Variants in ZNF236 observed in about 807,000 individuals in gnomAD.
ZNF236 encodes zinc finger protein 236.
A neutral mutation model predicts 191.2 loss-of-function variants in ZNF236; 50 were observed. The ratio of observed to expected loss-of-function variants is 0.26; its 90% CI spans 0.21 to 0.33. ZNF236 has a LOEUF of 0.33. ZNF236 is among the 10% of genes least tolerant of loss of function. The probability of loss-of-function intolerance (pLI) is 1.00; values close to 1 mark genes in which losing one functional copy is unlikely to be tolerated. For missense variants in ZNF236, 1,754 were observed against 2,374.5 expected, an observed-to-expected ratio of 0.74 and a Z score of 5.43; for synonymous variants, 907 against 928.8, an observed-to-expected ratio of 0.98 and a Z score of 0.43.
chr18:76,842,914 A>T (rs1975553472), intron 1 of ZNF236, among the ~76,000 whole-genome samples: 1 of 152,222 alleles, frequency 6.6e-6, no homozygotes, highest in African/African-American at 2.4e-5. Flanking sequence ...AAAGGGCAGG[A>T]GTCTTCTCTG....
At chr18:76,936,987 AG>A (rs754711816) in intron 25 of ZNF236, among the ~76,000 whole-genome samples, 168 bp from the exon 26 acceptor site, 1 of 152,214 alleles carries the variant, frequency 6.6e-6, no homozygotes, top group Non-Finnish European at 1.5e-5. Context: ...AACTAAGAAA[AG>A]CCTTATCCTA....
chr18:76,909,058 CTGTAA>C (rs1302574835), intron 14 of ZNF236, among the ~76,000 whole-genome samples: 1 of 151,824 alleles, frequency 6.6e-6, no homozygotes, highest in African/African-American at 2.4e-5. Context: ...TGGCTCACGC[CTGTAA>C]TCCCAGCACT....
chr18:76,864,047 C>G (rs1362895145), intron 3 of ZNF236, among the ~76,000 whole-genome samples: 1 of 152,176 alleles, frequency 6.6e-6, no homozygotes, highest in Non-Finnish European at 1.5e-5. Flanking sequence ...AAAAGACTGA[C>G]TTCCCCAAGT....
At chr18:76,907,556 T>G (rs191543896) in intron 13 of ZNF236, among the ~76,000 whole-genome samples, 1 of 152,236 alleles carries the variant, frequency 6.6e-6, no homozygotes, top group Non-Finnish European at 1.5e-5. Context: ...CTTGAACTCC[T>G]GACCTCAGGT....
In ZNF236 at chr18:76,925,414, A is replaced by G; in HGVS notation, c.3887A>G (p.Gln1296Arg). The G allele has an allele frequency of 6.2e-7, 1 of 1,614,232 alleles. No homozygotes were observed. The highest frequency in any genetic ancestry group is 1.1e-5 in the South Asian group (1 of 91,080). The change falls in exon 22 of 31, where the codon CAG becomes CGG. Residue 1296 changes from glutamine (Q) to arginine (R), a missense_variant. Physicochemically the swap from Gln to Arg is conservative, Grantham distance 43. This residue lies in a region of ZNF236 where 606 missense variants were observed against 761.5 expected (regional missense o/e 0.80). Coordinates refer to ENST00000320610, the MANE Select transcript of ZNF236 (RefSeq NM_001306089.2). The surrounding 1 kb of genome is among the most constrained non-coding windows in gnomAD (Gnocchi z 5.7). The part of the protein sequence containing the change: ...PMTRSSSEGL[Q>R]PVNLLNSSST... ...ACTCGAAGCTCATCGGAAGGACTGCAGCCTGTAAACCTCCTCAACTCCTCC... is the reference window on the plus strand; with the variant it reads ...ACTCGAAGCTCATCGGAAGGACTGCGGCCTGTAAACCTCCTCAACTCCTCC...
In ZNF236 at chr18:76,831,737, G is replaced by T. The variant is rs143007833; in HGVS notation, c.55+9075G>T. Among the ~76,000 whole-genome samples the T allele has an allele frequency of 1.6e-3, 246 of 152,234 alleles. 3 individuals are homozygous for T. The highest frequency in any genetic ancestry group is 5.6e-3 in the African/African-American group (234 of 41,546). On this transcript the variant is annotated intron_variant, in intron 1 of 30. Transcript: ENST00000320610. Reference sequence around the variant, plus strand: ...TTTTTGGATTTTAGCCATTCTGTTAGGCGTGTACTGGATATCTCATTTTAA... The same window carrying T: ...TTTTTGGATTTTAGCCATTCTGTTATGCGTGTACTGGATATCTCATTTTAA...
rs1453005156 is a variant in ZNF236, at chr18:76,927,364, A to T, written c.4261A>T (p.Asn1421Tyr). The T allele has an allele frequency of 6.2e-7, 1 of 1,614,232 alleles. No individual in the cohort carries two copies. The highest frequency in any genetic ancestry group is 8.5e-7 in the Non-Finnish European group (1 of 1,180,042). Reference protein sequence around the residue: ...LTGEPGLAPQNSSLQTSDSTV... With the variant: ...LTGEPGLAPQYSSLQTSDSTV... ...GGGGGAGCCTGGCCTGGCCCCACAG[A>T]ACAGCTCTCTCCAGACATCGGACAG... Residue 1421 changes from asparagine (N) to tyrosine (Y), a missense_variant, in exon 24 of 31, where the codon AAC (asparagine) becomes TAC (tyrosine). Physicochemically the swap from Asn to Tyr is moderately radical, Grantham distance 143. Coordinates refer to ENST00000320610, the MANE Select transcript of ZNF236 (RefSeq NM_001306089.2). The surrounding 1 kb of genome is among the most constrained non-coding windows in gnomAD (Gnocchi z 5.4).
intron 17 of ZNF236, 136 bp downstream of exon 17, chr18:76,912,483 T>A: frequency 1.7e-6 from 1 of 588,196 alleles, no homozygotes; most frequent in Non-Finnish European, 3.0e-6. Flanking sequence ...GTCATCCATA[T>A]TCTGTAAATA....
chr18:76,921,030 A>G (rs1967518236), intron 20 of ZNF236, among the ~76,000 whole-genome samples: 1 of 152,244 alleles, frequency 6.6e-6, no homozygotes, highest in Non-Finnish European at 1.5e-5. Context: ...GAAGATTTTA[A>G]TATTGCAGGA....
intron 9 of ZNF236, among the ~76,000 whole-genome samples, chr18:76,884,784 A>G (rs1977000959): frequency 6.6e-6 from 1 of 152,140 alleles, no homozygotes; most frequent in South Asian, 2.1e-4. Flanking sequence ...CACTGTAACA[A>G]ACCTCCCACG....
At position 76,927,823 on chromosome 18, in the gene ZNF236, T is replaced by C. The variant is rs1048714461; in HGVS notation, c.4415-104T>C. 2.1e-6 allele frequency: 2 copies of C among 932,464 alleles called. No homozygotes were observed. The highest frequency in any genetic ancestry group is 3.4e-5 in the Admixed American group (1 of 29,386). The allele number at this position is 932,464 out of a possible 1,614,324, so 57.8% of individuals were successfully genotyped here. A position where few individuals can be genotyped will look rare whatever the true frequency, so the allele number is the denominator to read the frequency against. ...TGCTTTGTTTTAAATCTTTGTCTTA[T>C]TGAAATATGTAATAACAGTTTAATT... On this transcript the variant is annotated intron_variant, in intron 24 of 30. Transcript: ENST00000320610. This position sits in a 1 kb window ranked among gnomAD's most constrained non-coding sequence, Gnocchi z 5.4.
intron 3 of ZNF236, among the ~76,000 whole-genome samples, chr18:76,863,211 A>C (rs1976294883): frequency 1.3e-5 from 2 of 152,336 alleles, no homozygotes; most frequent in South Asian, 4.1e-4. Context: ...CTTTGGGACA[A>C]TAACAGAAAA....
At chr18:76,948,148 A>C (rs1968312776) in intron 27 of ZNF236, among the ~76,000 whole-genome samples, 1 of 152,172 alleles carries the variant, frequency 6.6e-6, no homozygotes, top group Admixed American at 6.5e-5. Flanking sequence ...TTGGGAGCCA[A>C]AATATTTAGT....
intron 26 of ZNF236, among the ~76,000 whole-genome samples, chr18:76,942,660 C>T (rs1245868729): frequency 2.0e-5 from 3 of 151,212 alleles, no homozygotes; most frequent in Non-Finnish European, 3.0e-5. Flanking sequence ...CACAGGCGCC[C>T]GCCACCATGC....
At position 76,904,392 on chromosome 18, in the gene ZNF236, C is replaced by A. The variant is rs1044544804; in HGVS notation, c.1907C>A (p.Pro636His). 3 of 1,608,160 alleles carry A rather than the reference C, an allele frequency of 1.9e-6. No individual in the cohort carries two copies. The highest frequency in any genetic ancestry group is 2.5e-6 in the Non-Finnish European group (3 of 1,177,542). Residue 636 changes from proline to histidine, a missense_variant, in exon 12 of 31, where the codon CCC becomes CAC. Physicochemically the swap from Pro to His is moderately conservative, Grantham distance 77. Transcript: ENST00000320610. ...ILITDLGLIQ[P>H]IPKNQFFQSY... Reference sequence around the variant, plus strand: ...TTTTGCTTTGTAGGTCTCATCCAGCCCATTCCAAAAAACCAGTTTTTCCAA... The same window carrying A: ...TTTTGCTTTGTAGGTCTCATCCAGCACATTCCAAAAAACCAGTTTTTCCAA...
intron 9 of ZNF236, 30 bp from the exon 10 acceptor site, chr18:76,894,983 C>A: frequency 6.2e-7 from 1 of 1,601,810 alleles, no homozygotes; most frequent in Non-Finnish European, 8.5e-7. Flanking sequence ...GGTGTCCAGG[C>A]CAAGCGGGAC....
At chr18:76,926,727 CCA>C (rs1568233820) in intron 22 of ZNF236, among the ~76,000 whole-genome samples, 1 of 2,414 alleles carries the variant, frequency 4.1e-4, no homozygotes, top group Non-Finnish European at 1.1e-3. Flanking sequence ...GGTGATTAGA[CCA>C]TGTGTGTGTA....
At chr18:76,961,367 T>TTGTG (rs58383689) in intron 30 of ZNF236, among the ~76,000 whole-genome samples, 2,325 of 146,912 alleles carry the variant, frequency 0.016, 16 homozygotes, top group African/African-American at 0.017. Context: ...TAGTATTCCA[T>TTGTG]TGTGTGTGTG....
chr18:76,879,969 G>A (rs1976833116), intron 7 of ZNF236, 144 bp from the exon 8 acceptor site: 6 of 703,420 alleles, frequency 8.5e-6, no homozygotes, highest in Admixed American at 6.0e-5. Flanking sequence ...AATCAGTGAG[G>A]CATTATATTT....
Sources: allele counts gnomAD v4.1 joint callset (sites outside exome capture counted in the v4.1 genomes callset), GRCh38; gene constraint gnomAD v4.1.1; regional missense constraint gnomAD v4.1.1; non-coding constraint Gnocchi (gnomAD v3.1); transcripts MANE v1.5; gene names NCBI Gene and HGNC (gene_info 2026-07-23, HGNC 2026-07-21).